The following PCDHA3 variants were observed in gnomAD, a reference collection of about 807,000 sequenced individuals.
The protein encoded by PCDHA3 is protocadherin alpha-3.
PCDHA3 carries 41 observed loss-of-function variants against 62.2 expected under a neutral mutation model. That is an observed-to-expected ratio of 0.66 (90% CI 0.51 to 0.86). The LOEUF (loss-of-function observed/expected upper bound fraction) is 0.86, where lower values mean the gene tolerates loss of function less well. Ranked by LOEUF, PCDHA3 falls within the 40% of genes least tolerant of loss-of-function variation. PCDHA3 has a pLI of 0.00. For missense variants in PCDHA3, 1,304 were observed against 1,241.2 expected (o/e 1.05, Z -0.76); for synonymous variants, 640 against 555.4 (o/e 1.15, Z -2.14).
At chr5:140,974,083 T>C (rs1345131685) in intron 1 of PCDHA3, among the ~76,000 whole-genome samples, 1 of 152,236 alleles carries the variant, frequency 6.6e-6, no homozygotes, top group Non-Finnish European at 1.5e-5. Flanking sequence ...AACCATGACT[T>C]CAAAAATCAA....
intron 1 of PCDHA3, chr5:140,808,322 A>G (rs1226675581): frequency 6.2e-7 from 1 of 1,614,108 alleles, no homozygotes; most frequent in Admixed American, 1.7e-5. Context: ...CGACAAAGAC[A>G]TGGGTGTCAA....
At chr5:140,881,729 A>G (rs2058810929) in intron 1 of PCDHA3, among the ~76,000 whole-genome samples, 1 of 152,206 alleles carries the variant, frequency 6.6e-6, no homozygotes. Flanking sequence ...CTTGAAAAAT[A>G]TTACAGGAAG....
chr5:140,873,012 T>G (rs542650049), intron 1 of PCDHA3, among the ~76,000 whole-genome samples: 1 of 152,192 alleles, frequency 6.6e-6, no homozygotes. Context: ...TTCTTCATAT[T>G]TAGTTATTCT....
At chr5:140,870,029 A>T (rs1201766971) in intron 1 of PCDHA3, 4 of 1,613,792 alleles carry the variant, frequency 2.5e-6, no homozygotes, top group Non-Finnish European at 3.4e-6. Flanking sequence ...ACTTTAGATT[A>T]TGAAGAAAAC....
chr5:140,829,814 G>GGT (rs2150175309), intron 1 of PCDHA3: 1 of 1,613,902 alleles, frequency 6.2e-7, no homozygotes, highest in East Asian at 2.2e-5. Flanking sequence ...TGGTACTGGT[G>GGT]GTGCAGTGAG....
chr5:140,870,083 C>G, intron 1 of PCDHA3: 1 of 1,613,848 alleles, frequency 6.2e-7, no homozygotes, highest in Admixed American at 1.7e-5. Flanking sequence ...AAGGGGACTC[C>G]CCCAATGGCA....
intron 1 of PCDHA3, chr5:140,967,063 C>T (rs1554229129): frequency 6.2e-7 from 1 of 1,612,820 alleles, no homozygotes; most frequent in Non-Finnish European, 8.5e-7. Flanking sequence ...GTGGAGCGCT[C>T]TTCGTCAACG....
intron 3 of PCDHA3, among the ~76,000 whole-genome samples, chr5:140,992,876 A>G (rs1370116402): frequency 6.6e-6 from 1 of 152,178 alleles, no homozygotes; most frequent in Admixed American, 6.5e-5. Flanking sequence ...CCTCCTTGAT[A>G]TTCTAAACAA....
At chr5:140,912,767 G>A (rs1388605585) in intron 1 of PCDHA3, among the ~76,000 whole-genome samples, 2 of 152,064 alleles carry the variant, frequency 1.3e-5, no homozygotes, top group African/African-American at 4.8e-5. Context: ...TTATTACTTT[G>A]AGGTATGTCC....
chr5:140,912,260 C>T (rs1451576363), intron 1 of PCDHA3, among the ~76,000 whole-genome samples: 2 of 152,160 alleles, frequency 1.3e-5, no homozygotes, highest in African/African-American at 4.8e-5. Context: ...TTTGATGACA[C>T]CCTCACAGAT....
intron 1 of PCDHA3, chr5:140,851,871 G>A (rs2042184673): frequency 2.0e-6 from 2 of 977,226 alleles, no homozygotes; most frequent in South Asian, 9.5e-5. Context: ...CATAACACAA[G>A]GCAGAAATCT....
intron 1 of PCDHA3, chr5:140,865,312 G>A (rs949727799): frequency 1.1e-4 from 17 of 152,148 alleles, no homozygotes; most frequent in African/African-American, 4.1e-4. Context: ...TTACAAATGA[G>A]ATGGCCTTTA....
At chr5:140,909,288 A>G (rs1441603045) in intron 1 of PCDHA3, among the ~76,000 whole-genome samples, 2 of 152,234 alleles carry the variant, frequency 1.3e-5, no homozygotes, top group Non-Finnish European at 2.9e-5. Context: ...GGTGGGCCTT[A>G]TGGACAGGAA....
chr5:140,967,278 G>A (rs2096121968), intron 1 of PCDHA3: 1 of 1,613,290 alleles, frequency 6.2e-7, no homozygotes. Flanking sequence ...CACATAGAGA[G>A]TGCGCAGGAC....
At chr5:140,821,919 G>A (rs190099815) in intron 1 of PCDHA3, 67 of 1,614,198 alleles carry the variant, frequency 4.2e-5, no homozygotes, top group Non-Finnish European at 5.1e-5. Flanking sequence ...GCCGCATCGC[G>A]CAGGACCTAG....
chr5:140,808,640 CA>C, intron 1 of PCDHA3: 3 of 1,613,456 alleles, frequency 1.9e-6, no homozygotes, highest in Non-Finnish European at 2.5e-6. Context: ...CGCGGACGCG[CA>C]GGAGAACGCG....
chr5:140,999,775 A>T (rs2097875590), intron 3 of PCDHA3, among the ~76,000 whole-genome samples: 1 of 152,178 alleles, frequency 6.6e-6, no homozygotes, highest in African/African-American at 2.4e-5. Context: ...TATACTCTTA[A>T]CCTAGAAATG....
At chr5:140,982,367 G>A in intron 2 of PCDHA3, 108 bp from the exon 3 acceptor site, 1 of 1,544,446 alleles carries the variant, frequency 6.5e-7, no homozygotes, top group Non-Finnish European at 8.7e-7. Context: ...AGCAGAATGT[G>A]TTAGCTGCAG....
intron 1 of PCDHA3, among the ~76,000 whole-genome samples, chr5:140,954,167 CT>C (rs1366012595): frequency 2.6e-5 from 4 of 152,212 alleles, no homozygotes; most frequent in African/African-American, 9.6e-5. Context: ...ACCACATTTT[CT>C]TTATCCAGTC....
Sources: allele counts gnomAD v4.1 joint callset (sites outside exome capture counted in the v4.1 genomes callset), GRCh38; gene constraint gnomAD v4.1.1; transcripts MANE v1.5; gene names NCBI Gene and HGNC (gene_info 2026-07-23, HGNC 2026-07-21).